The following PDE8A variants were observed in gnomAD, a reference collection of about 807,000 sequenced individuals.
The protein encoded by PDE8A is high affinity cAMP-specific and IBMX-insensitive 3',5'-cyclic phosphodiesterase 8A.
In PDE8A, 59 loss-of-function variants were observed where a neutral mutation model predicts 105.0. That is an observed-to-expected ratio of 0.56 (90% CI 0.46 to 0.70). PDE8A has a LOEUF of 0.70. Among genes scored for constraint, PDE8A ranks in the 30% least tolerant of loss-of-function variants. PDE8A has a pLI of 0.00. For synonymous variants in PDE8A, 355 were observed against 371.9 expected, an observed-to-expected ratio of 0.95 and a Z score of 0.52; for missense variants, 1,014 against 1,045.9, an observed-to-expected ratio of 0.97 and a Z score of 0.42.
At chr15:85,124,929 G>A (rs565363474) in intron 19 of PDE8A, among the ~76,000 whole-genome samples, 2 of 152,258 alleles carry the variant, frequency 1.3e-5, no homozygotes, top group South Asian at 2.1e-4. Flanking sequence ...CTCTGTTGTC[G>A]GTACATGGGG....
Position 85,113,940 on chromosome 15 carries a change from T to G in PDE8A, c.1253T>G (p.Val418Gly). 1 of 1,613,650 alleles carries G rather than the reference T, an allele frequency of 6.2e-7. No homozygotes were observed. Among genetic ancestry groups the G allele is most frequent in the Non-Finnish European group, 8.5e-7 (1 of 1,179,502 alleles). ...CCTGTGACAGAAGCCCTAGACCGTG[T>G]GCTGGAAATTCTAAGAACCACTGAG... Reference protein sequence around the residue: ...PMPVTEALDRVLEILRTTELY... With the variant: ...PMPVTEALDRGLEILRTTELY... Residue 418 changes from valine to glycine, a missense_variant, in exon 14 of 22, where the codon GTG becomes GGG. By Grantham distance (109) the Val-to-Gly change is moderately radical. Transcript: ENST00000394553.
chr15:85,091,973 A>C (rs1372951814), intron 8 of PDE8A, among the ~76,000 whole-genome samples: 1 of 141,076 alleles, frequency 7.1e-6, no homozygotes, highest in East Asian at 2.1e-4. Flanking sequence ...AAACATTTGA[A>C]AAATTGGTGA....
At chr15:85,020,846 C>T (rs62021203) in intron 1 of PDE8A, among the ~76,000 whole-genome samples, 19,391 of 151,906 alleles carry the variant, frequency 0.13, 1,636 homozygotes, top group Middle Eastern at 0.24. Flanking sequence ...TGTGTTAATT[C>T]CTAAAAATAA....
intron 1 of PDE8A, among the ~76,000 whole-genome samples, chr15:85,012,667 G>A (rs2080259996): frequency 6.6e-6 from 1 of 151,448 alleles, no homozygotes; most frequent in Non-Finnish European, 1.5e-5. Flanking sequence ...CCTGCACATT[G>A]TGCACATGTA....
chr15:85,087,076 G>A (rs1332361629), intron 6 of PDE8A, among the ~76,000 whole-genome samples: 2 of 149,064 alleles, frequency 1.3e-5, no homozygotes, highest in African/African-American at 2.5e-5. Flanking sequence ...ACTTTATTGA[G>A]CTATAAATTT....
chr15:85,019,660 A>G (rs950208250), intron 1 of PDE8A, among the ~76,000 whole-genome samples: 1 of 151,862 alleles, frequency 6.6e-6, no homozygotes, highest in African/African-American at 2.4e-5. Flanking sequence ...TGGCTCTGCA[A>G]CCTCTACCTC....
intron 1 of PDE8A, among the ~76,000 whole-genome samples, chr15:85,041,950 C>T (rs1352561798): frequency 1.3e-5 from 2 of 152,180 alleles, no homozygotes; most frequent in African/African-American, 4.8e-5. Flanking sequence ...TCCTCTGAAA[C>T]CCCAAGTTCC....
intron 1 of PDE8A, among the ~76,000 whole-genome samples, chr15:85,004,448 A>G (rs978395820): frequency 2.6e-5 from 4 of 152,212 alleles, no homozygotes; most frequent in African/African-American, 9.6e-5. Context: ...CCCCACAGTG[A>G]GGACAAAGCC....
chr15:85,096,260 A>C (rs1438835108), intron 8 of PDE8A, among the ~76,000 whole-genome samples: 2 of 151,778 alleles, frequency 1.3e-5, no homozygotes, highest in African/African-American at 2.4e-5. Flanking sequence ...AGTTTTATTG[A>C]GATGTAATTT....
intron 3 of PDE8A, among the ~76,000 whole-genome samples, chr15:85,074,799 A>C (rs766893026): frequency 6.6e-6 from 1 of 152,250 alleles, no homozygotes; most frequent in Non-Finnish European, 1.5e-5. Flanking sequence ...TTTGTGATTC[A>C]GAAGTGGCTC....
chr15:85,001,389 G>C (rs867024970), intron 1 of PDE8A, among the ~76,000 whole-genome samples: 2 of 152,138 alleles, frequency 1.3e-5, no homozygotes, highest in African/African-American at 4.8e-5. Context: ...AACAAAAAAA[G>C]GCAAGACTAA....
intron 1 of PDE8A, among the ~76,000 whole-genome samples, chr15:85,009,551 G>A (rs779393257): frequency 6.6e-6 from 1 of 152,190 alleles, no homozygotes; most frequent in Non-Finnish European, 1.5e-5. Context: ...GGCTGGAGAA[G>A]GGACTATTGG....
At chr15:85,114,739 G>A (rs1476111197) in intron 14 of PDE8A, among the ~76,000 whole-genome samples, 1 of 152,190 alleles carries the variant, frequency 6.6e-6, no homozygotes, top group East Asian at 1.9e-4. Flanking sequence ...AATCTAGAAG[G>A]TAGAGTGTTT....
chr15:85,116,344 G>T (rs923961169), intron 16 of PDE8A: 13 of 530,082 alleles, frequency 2.5e-5, no homozygotes, highest in African/African-American at 2.3e-4. Context: ...CTGAGCCAGT[G>T]ACTTCTCCAA....
At chr15:85,060,886 C>G (rs2081133762) in intron 1 of PDE8A, among the ~76,000 whole-genome samples, 1 of 152,064 alleles carries the variant, frequency 6.6e-6, no homozygotes, top group South Asian at 2.1e-4. Flanking sequence ...TTATTGAGAT[C>G]TTTATTTCTT....
chr15:85,061,977 GATTTTC>G (rs2081153139), intron 1 of PDE8A, among the ~76,000 whole-genome samples: 1 of 151,876 alleles, frequency 6.6e-6, no homozygotes, highest in South Asian at 2.1e-4. Flanking sequence ...TCTTTACTTA[GATTTTC>G]ATGTTGTTCG....
intron 18 of PDE8A, among the ~76,000 whole-genome samples, chr15:85,121,371 C>T (rs1443110112): frequency 6.6e-6 from 1 of 152,142 alleles, no homozygotes; most frequent in African/African-American, 2.4e-5. Flanking sequence ...TGCAGTGAAC[C>T]GTGATCACAC....
intron 12 of PDE8A, among the ~76,000 whole-genome samples, chr15:85,111,952 T>G (rs1441076701): frequency 6.6e-6 from 1 of 152,256 alleles, no homozygotes; most frequent in Non-Finnish European, 1.5e-5. Flanking sequence ...GTAGTGGTGT[T>G]ACTTGTTTAA....
chr15:85,016,950 C>T (rs1596445930), intron 1 of PDE8A, among the ~76,000 whole-genome samples: 3 of 141,502 alleles, frequency 2.1e-5, no homozygotes, highest in South Asian at 4.5e-4. Context: ...CTGAATTTCC[C>T]TTTTTTTTTT....
Sources: gnomAD v4.1 joint callset for allele counts (sites outside exome capture counted in the v4.1 genomes callset) on GRCh38, gnomAD v4.1.1 for gene constraint, MANE v1.5 for transcripts, NCBI Gene and HGNC (gene_info 2026-07-23, HGNC 2026-07-21) for gene names.